Variants in NOL4 observed in about 807,000 individuals in gnomAD.
NOL4 encodes the protein cancer/testis antigen 125.
A neutral mutation model predicts 75.9 loss-of-function variants in NOL4; 17 were observed. The ratio of observed to expected loss-of-function variants is 0.22; its 90% confidence interval spans 0.15 to 0.34. NOL4 has a LOEUF of 0.34. NOL4 is among the 10% of genes least tolerant of loss of function. The pLI is 1.00. For synonymous variants in NOL4, 292 were observed against 289.9 expected (o/e 1.01, Z -0.07); for missense variants, 614 against 793.5 (o/e 0.77, Z 2.72).
chr18:34,063,515 T>C (rs2145157957), intron 5 of NOL4, among the ~76,000 whole-genome samples: 1 of 152,198 alleles, frequency 6.6e-6, no homozygotes, highest in African/African-American at 2.4e-5. Flanking sequence ...CAACAGAAAT[T>C]GCAATGTAGA....
At chr18:34,193,241 A>T (rs866033100) in intron 1 of NOL4, among the ~76,000 whole-genome samples, 55 of 152,342 alleles carry the variant, frequency 3.6e-4, no homozygotes, top group Non-Finnish European at 5.3e-4. Flanking sequence ...CAGCAAAAAA[A>T]GCAGAAATAG....
At chr18:34,043,688 T>A (rs1389413104) in intron 5 of NOL4, among the ~76,000 whole-genome samples, 1 of 152,048 alleles carries the variant, frequency 6.6e-6, no homozygotes, top group Admixed American at 6.6e-5. Context: ...TGTCTTACAG[T>A]GTTGTGATAG....
intron 10 of NOL4, among the ~76,000 whole-genome samples, chr18:33,865,211 T>A (rs777826826): frequency 3.3e-5 from 5 of 152,082 alleles, no homozygotes; most frequent in Non-Finnish European, 5.9e-5. Context: ...GGGACTTGGG[T>A]CCAGGATACC....
At chr18:34,193,270 A>T (rs993508858) in intron 1 of NOL4, among the ~76,000 whole-genome samples, 2 of 152,184 alleles carry the variant, frequency 1.3e-5, no homozygotes, top group African/African-American at 4.8e-5. Flanking sequence ...AATAACATCT[A>T]ACTGAAAAGA....
intron 10 of NOL4, among the ~76,000 whole-genome samples, chr18:33,879,988 T>C (rs1038434006): frequency 6.6e-6 from 1 of 152,102 alleles, no homozygotes; most frequent in Non-Finnish European, 1.5e-5. Flanking sequence ...TGATAGTACC[T>C]TTTTAACCAC....
intron 5 of NOL4, among the ~76,000 whole-genome samples, chr18:34,064,084 C>A (rs751837419): frequency 2.0e-5 from 3 of 151,944 alleles, no homozygotes; most frequent in Admixed American, 6.6e-5. Context: ...CATATGAAAT[C>A]AAATATAACC....
chr18:34,070,555 A>G (rs1194315374), intron 5 of NOL4, among the ~76,000 whole-genome samples: 10 of 126,984 alleles, frequency 7.9e-5, no homozygotes, highest in Non-Finnish European at 1.5e-4. Context: ...AAAGGAACAC[A>G]ATCTTTAAAG....
At chr18:34,117,839 G>A (rs775955648) in intron 2 of NOL4, among the ~76,000 whole-genome samples, 3 of 152,188 alleles carry the variant, frequency 2.0e-5, no homozygotes, top group Non-Finnish European at 4.4e-5. Context: ...TCTAAGATTT[G>A]AAGCTAATGT....
intron 1 of NOL4, among the ~76,000 whole-genome samples, chr18:34,142,812 C>A (rs1205776817): frequency 6.7e-6 from 1 of 149,784 alleles, no homozygotes; most frequent in South Asian, 2.1e-4. Flanking sequence ...CACATGTACC[C>A]TAGTACTTAA....
In NOL4 at chr18:34,003,645, T is replaced by C. The variant is rs1600218203; in HGVS notation, c.1056+15673A>G. 2.6e-5 allele frequency among the ~76,000 whole-genome samples: 4 copies of C among 152,208 alleles called. No homozygotes were observed. In the East Asian group the frequency reaches 7.7e-4, roughly 29 times the overall value. On this transcript the variant is annotated intron_variant, in intron 6 of 10. Transcript: ENST00000261592. ...CTGGCCCCTGCCTTATCTCCTCTCA[T>C]TACTGCCTCACCTCTGGTATAAGGA...
intron 2 of NOL4, among the ~76,000 whole-genome samples, chr18:34,125,876 C>T (rs926142469): frequency 1.3e-5 from 2 of 151,772 alleles, no homozygotes; most frequent in Non-Finnish European, 2.9e-5. Flanking sequence ...GGCAGGAGAG[C>T]TCCTAAACAC....
At chr18:33,882,587 A>G (rs1356440399) in intron 10 of NOL4, among the ~76,000 whole-genome samples, 2 of 149,336 alleles carry the variant, frequency 1.3e-5, no homozygotes, top group African/African-American at 4.9e-5. Flanking sequence ...GAGAAATAGG[A>G]ACACTTTTAC....
chr18:34,222,286 T>G, intron 1 of NOL4: 1 of 1,325,180 alleles, frequency 7.5e-7, no homozygotes, highest in Non-Finnish European at 9.6e-7. Context: ...CATCTTTCTT[T>G]GTTGTTCATC....
intron 2 of NOL4, among the ~76,000 whole-genome samples, chr18:34,117,884 A>C (rs1447430184): frequency 6.6e-6 from 1 of 152,206 alleles, no homozygotes; most frequent in Non-Finnish European, 1.5e-5. Flanking sequence ...TAACGTTGGC[A>C]AATCATGAGT....
chr18:33,917,309 C>G (rs1465284713), intron 9 of NOL4, among the ~76,000 whole-genome samples: 2 of 151,952 alleles, frequency 1.3e-5, no homozygotes, highest in Non-Finnish European at 2.9e-5. Flanking sequence ...AGTACTACCC[C>G]CTCCTTTTAT....
At chr18:33,935,057 G>A (rs2067969855) in intron 9 of NOL4, among the ~76,000 whole-genome samples, 1 of 151,820 alleles carries the variant, frequency 6.6e-6, no homozygotes, top group Non-Finnish European at 1.5e-5. Context: ...AGAGATGGGG[G>A]TCTCACTATG....
At chr18:34,104,267 T>C (rs1402447729) in intron 3 of NOL4, 108 bp from the exon 4 acceptor site, 2 of 699,040 alleles carry the variant, frequency 2.9e-6, no homozygotes, top group Non-Finnish European at 5.0e-6. Context: ...ATATCAAGTG[T>C]CTTAAAGCAT....
At chr18:34,030,612 C>T (rs1304579217) in intron 5 of NOL4, among the ~76,000 whole-genome samples, 1 of 152,064 alleles carries the variant, frequency 6.6e-6, no homozygotes, top group Non-Finnish European at 1.5e-5. Flanking sequence ...TACAAAATTA[C>T]AGCTAGATAG....
intron 1 of NOL4, among the ~76,000 whole-genome samples, chr18:34,172,564 T>A (rs546635809): frequency 6.6e-6 from 1 of 152,144 alleles, no homozygotes; most frequent in Non-Finnish European, 1.5e-5. Flanking sequence ...TGCTGCACTA[T>A]ATGGTAGTTC....
Sources: gnomAD v4.1 joint callset for allele counts (sites outside exome capture counted in the v4.1 genomes callset) on GRCh38, gnomAD v4.1.1 for gene constraint, MANE v1.5 for transcripts, NCBI Gene and HGNC (gene_info 2026-07-23, HGNC 2026-07-21) for gene names.